The following TDRD3 variants were observed in gnomAD, a reference collection of about 807,000 sequenced individuals.
The protein encoded by TDRD3 is tudor domain containing 3.
TDRD3 carries 45 observed loss-of-function variants against 86.7 expected under a neutral mutation model. The observed-to-expected ratio is 0.52, with a 90% CI of 0.41 to 0.67. The LOEUF (loss-of-function observed/expected upper bound fraction) is 0.67. Among genes scored for constraint, TDRD3 ranks in the 30% least tolerant of loss-of-function variants. The pLI is 0.00. For missense variants in TDRD3, 814 were observed against 889.0 expected, an observed-to-expected ratio of 0.92 and a Z score of 1.07; for synonymous variants, 298 against 301.7, an observed-to-expected ratio of 0.99 and a Z score of 0.13.
intron 1 of TDRD3, among the ~76,000 whole-genome samples, chr13:60,403,369 G>C (rs985800387): frequency 6.6e-6 from 1 of 152,002 alleles, no homozygotes; most frequent in African/African-American, 2.4e-5. Context: ...TTCTCCTTTT[G>C]ACAAAAGAAT....
At chr13:60,508,908 C>T (rs1404823031) in intron 8 of TDRD3, among the ~76,000 whole-genome samples, 1 of 152,010 alleles carries the variant, frequency 6.6e-6, no homozygotes, top group Non-Finnish European at 1.5e-5. Flanking sequence ...AGCCCATTCA[C>T]AAGAAAAAGA....
chr13:60,548,199 T>C (rs772694704), intron 12 of TDRD3, among the ~76,000 whole-genome samples: 46 of 152,232 alleles, frequency 3.0e-4, no homozygotes, highest in Non-Finnish European at 6.3e-4. Context: ...TTGAATATTA[T>C]CTGATTTGCC....
rs531091645 is a variant in TDRD3 at position 60,466,394 on chromosome 13, C to T, written c.354-844C>T. 4.6e-5 allele frequency among the ~76,000 whole-genome samples: 7 copies of T among 152,224 alleles called. No homozygotes were observed. In the South Asian group the frequency reaches 1.5e-3, roughly 32 times the overall value. ...TATTTTATATTTTTATTCTATTTAT[C>T]ATGTCTTTATCACAGCTTAGTGACA... is the stretch of plus-strand genomic sequence containing the variant. On this transcript the variant is annotated intron_variant, in intron 4 of 13. Transcript: ENST00000377881.
At chr13:60,472,049 T>C (rs1956085137) in intron 5 of TDRD3, among the ~76,000 whole-genome samples, 2 of 152,106 alleles carry the variant, frequency 1.3e-5, no homozygotes, top group African/African-American at 4.8e-5. Flanking sequence ...TCCTTTCTAT[T>C]TTTAGTTTGT....
At chr13:60,512,484 A>G (rs2137672772) in intron 10 of TDRD3, among the ~76,000 whole-genome samples, 1 of 152,310 alleles carries the variant, frequency 6.6e-6, no homozygotes, top group South Asian at 2.1e-4. Flanking sequence ...AAAAGTCCAC[A>G]GTCCAAAGTC....
rs373392470 is a variant in TDRD3 at position 60,529,069 on chromosome 13, A to T, written c.1844A>T (p.Asp615Val). ...PAGPVTAVPC[D>V]DKIFYNSGPK... ...GGACCTGTCACAGCTGTACCCTGTG[A>T]TGATAAAATATTTTACAATAGTGGG... is the stretch of plus-strand genomic sequence containing the variant. Residue 615 changes from aspartate to valine, a missense_variant, in exon 11 of 14, where the codon GAT (aspartate) becomes GTT (valine). Coordinates refer to ENST00000377881, the MANE Select transcript of TDRD3 (RefSeq NM_001146070.2). The T allele has an allele frequency of 5.0e-6, 8 of 1,613,928 alleles. No homozygotes were observed. In the African/African-American group the frequency reaches 8.0e-5, roughly 16 times the overall value.
intron 4 of TDRD3, among the ~76,000 whole-genome samples, chr13:60,465,393 C>T (rs1955896391): frequency 6.6e-6 from 1 of 152,146 alleles, no homozygotes; most frequent in African/African-American, 2.4e-5. Context: ...TGTTGCTGAT[C>T]TTGAACGGTA....
At position 60,485,963 on chromosome 13, in the gene TDRD3, C is replaced by G; in HGVS notation, c.717+15C>G. The G allele has an allele frequency of 1.3e-6, 2 of 1,587,778 alleles. No individual in the cohort carries two copies. The highest frequency in any genetic ancestry group is 1.7e-6 in the Non-Finnish European group (2 of 1,169,734). On this transcript the variant is annotated intron_variant, in intron 7 of 13. Transcript: ENST00000377881. ...AGAGCAAGGAAGTAAGAAATCAAAT[C>G]ATTACACGTTTTATTTCTTATCATT...
chr13:60,504,830 C>A (rs1956901497), intron 8 of TDRD3, among the ~76,000 whole-genome samples: 1 of 152,112 alleles, frequency 6.6e-6, no homozygotes, highest in Admixed American at 6.5e-5. Flanking sequence ...CTGGGAAGCA[C>A]AAGGGGTCGG....
chr13:60,420,713 C>T (rs369059219), intron 1 of TDRD3, among the ~76,000 whole-genome samples: 32 of 152,022 alleles, frequency 2.1e-4, no homozygotes, highest in Non-Finnish European at 3.5e-4. Flanking sequence ...GAGGCCGAGG[C>T]GGGTGGATCA....
chr13:60,397,431 C>T (rs750089469), intron 1 of TDRD3, 26 bp downstream of exon 1: 21 of 1,477,408 alleles, frequency 1.4e-5, no homozygotes, highest in Non-Finnish European at 1.4e-5. Flanking sequence ...CGCCGGCTGC[C>T]GGGCCGCGGG....
intron 1 of TDRD3, among the ~76,000 whole-genome samples, chr13:60,436,472 T>TTTTC (rs1373338022): frequency 6.6e-6 from 1 of 151,834 alleles, no homozygotes; most frequent in African/African-American, 2.4e-5. Context: ...CGGGGATCCA[T>TTTTC]TTTCATTCTT....
At chr13:60,425,825 C>T (rs926358327) in intron 1 of TDRD3, among the ~76,000 whole-genome samples, 3 of 152,098 alleles carry the variant, frequency 2.0e-5, no homozygotes, top group Non-Finnish European at 2.9e-5. Context: ...ATGATGGTCT[C>T]TTTCCACATA....
intron 1 of TDRD3, among the ~76,000 whole-genome samples, chr13:60,398,849 G>A (rs1954015916): frequency 6.6e-6 from 1 of 150,860 alleles, no homozygotes. Context: ...TGTTCAATAG[G>A]AATCTCTTCT....
chr13:60,556,962 T>C (rs762648480), intron 12 of TDRD3, among the ~76,000 whole-genome samples: 2 of 152,120 alleles, frequency 1.3e-5, no homozygotes, highest in African/African-American at 2.4e-5. Context: ...CCCAACACTT[T>C]AGGAGGCTGA....
chr13:60,561,859 G>C (rs1566306956), intron 12 of TDRD3, among the ~76,000 whole-genome samples: 1 of 146,766 alleles, frequency 6.8e-6, no homozygotes, highest in Admixed American at 6.8e-5. Context: ...ATGGGCCCAG[G>C]TTTTTTGTTG....
At chr13:60,516,156 C>G (rs917914777) in intron 10 of TDRD3, among the ~76,000 whole-genome samples, 1 of 152,116 alleles carries the variant, frequency 6.6e-6, no homozygotes, top group Non-Finnish European at 1.5e-5. Flanking sequence ...TCAAACCTTT[C>G]TTGCTTCTGT....
intron 5 of TDRD3, among the ~76,000 whole-genome samples, chr13:60,481,254 C>T (rs1956309489): frequency 6.6e-6 from 1 of 151,610 alleles, no homozygotes; most frequent in Non-Finnish European, 1.5e-5. Context: ...TTTCAGTGAA[C>T]TTTTTTGATC....
At chr13:60,481,264 C>A (rs1481187665) in intron 5 of TDRD3, among the ~76,000 whole-genome samples, 1 of 151,310 alleles carries the variant, frequency 6.6e-6, no homozygotes, top group Non-Finnish European at 1.5e-5. Flanking sequence ...CTTTTTTGAT[C>A]TATGAGTTTA....
Sources: allele counts gnomAD v4.1 joint callset (sites outside exome capture counted in the v4.1 genomes callset), GRCh38; gene constraint gnomAD v4.1.1; transcripts MANE v1.5; gene names NCBI Gene and HGNC (gene_info 2026-07-23, HGNC 2026-07-21).